Variants in TRIO observed in about 807,000 individuals in gnomAD.
TRIO encodes the protein trio Rho guanine nucleotide exchange factor.
In TRIO, 58 loss-of-function variants were observed where a neutral mutation model predicts 351.9. The observed-to-expected ratio is 0.16, with a 90% CI of 0.13 to 0.21. The LOEUF (loss-of-function observed/expected upper bound fraction) is 0.21, where lower values mean the gene tolerates loss of function less well. Ranked by LOEUF, TRIO falls within the 10% of genes least tolerant of loss-of-function variation. The pLI is 1.00. For missense variants in TRIO, 3,201 were observed against 4,027.8 expected (o/e 0.79, Z 5.56); for synonymous variants, 1,758 against 1,595.7 (o/e 1.10, Z -2.42).
chr5:14,151,645 C>G (rs750209952), intron 1 of TRIO, among the ~76,000 whole-genome samples: 3 of 152,084 alleles, frequency 2.0e-5, no homozygotes, highest in Admixed American at 6.6e-5. Context: ...TATGAGAAGT[C>G]GTTAAGATGT....
chr5:14,459,976 C>T (rs1356439952), intron 34 of TRIO, among the ~76,000 whole-genome samples: 1 of 151,772 alleles, frequency 6.6e-6, no homozygotes, highest in African/African-American at 2.4e-5. Context: ...AGTGCGATGG[C>T]GTGATCTTGG....
intron 1 of TRIO, among the ~76,000 whole-genome samples, chr5:14,198,111 A>C (rs1030877924): frequency 6.6e-6 from 1 of 152,230 alleles, no homozygotes; most frequent in South Asian, 2.1e-4. Context: ...GAAATTTAGA[A>C]AACAGAAGAA....
In TRIO at chr5:14,316,481, C is replaced by A. The variant is rs374035349; in HGVS notation, c.1501-32C>A. On this transcript the variant is annotated intron_variant, in intron 8 of 56. Coordinates refer to ENST00000344204, the MANE Select transcript of TRIO (RefSeq NM_007118.4). ...GCACAGCCTAGGCCAAACCTCAGAT[C>A]GTGAAGAATCACTCATTTCTTTTGT... 4.3e-6 allele frequency: 7 copies of A among 1,609,558 alleles called. No homozygotes were observed. The African/African-American group carries it at 8.0e-5, about 18-fold the overall frequency.
chr5:14,419,911 T>C lies in TRIO; in HGVS notation c.5093T>C (p.Val1698Ala). The C allele has an allele frequency of 6.2e-7, 1 of 1,614,162 alleles. No individual in the cohort carries two copies. Among genetic ancestry groups the C allele is most frequent in the Non-Finnish European group, 8.5e-7 (1 of 1,180,014 alleles). Residue 1698 changes from valine to alanine, a missense_variant, in exon 34 of 57, where the codon GTG (valine) becomes GCG (alanine). Val to Ala is a moderately conservative substitution (Grantham distance 64). Coordinates refer to ENST00000344204, the MANE Select transcript of TRIO (RefSeq NM_007118.4). ...CATGACAAGCCTGACTGGTGTCTGG[T>C]GCGGACAACTGACCGCTCCCCAGCG... ...RPHDKPDWCL[V>A]RTTDRSPAAE...
intron 14 of TRIO, among the ~76,000 whole-genome samples, 170 bp from the exon 15 acceptor site, chr5:14,364,480 C>T (rs983028309): frequency 6.6e-6 from 1 of 152,214 alleles, no homozygotes; most frequent in African/African-American, 2.4e-5. Context: ...GATTGATTGC[C>T]TATACATCCT....
At chr5:14,348,122 C>T (rs986742588) in intron 11 of TRIO, among the ~76,000 whole-genome samples, 1 of 152,182 alleles carries the variant, frequency 6.6e-6, no homozygotes. Flanking sequence ...GTATTGTGTA[C>T]AGTTGTCCAG....
At chr5:14,363,674 A>G (rs1343290940) in intron 13 of TRIO, 58 bp from the exon 14 acceptor site, 18 of 1,521,316 alleles carry the variant, frequency 1.2e-5, no homozygotes, top group Admixed American at 6.9e-5. Context: ...CTTGGTACAG[A>G]GTGAGAGGTG....
chr5:14,225,038 G>A (rs551885177), intron 1 of TRIO, among the ~76,000 whole-genome samples: 2 of 152,298 alleles, frequency 1.3e-5, no homozygotes, highest in East Asian at 1.9e-4. Context: ...AGCAGTTTCT[G>A]TTATTTTGGG....
At chr5:14,416,668 T>G (rs1749670072) in intron 33 of TRIO, among the ~76,000 whole-genome samples, 1 of 152,230 alleles carries the variant, frequency 6.6e-6, no homozygotes, top group South Asian at 2.1e-4. Context: ...TGATTACTCT[T>G]TAAGGGCCTA....
chr5:14,420,253 G>T, intron 34 of TRIO: 1 of 589,070 alleles, frequency 1.7e-6, no homozygotes, highest in South Asian at 2.0e-5. Context: ...CCAGGGCGGT[G>T]TAGTGAGATA....
chr5:14,496,758 AG>A, intron 49 of TRIO, 120 bp from the exon 50 acceptor site: 1 of 1,316,078 alleles, frequency 7.6e-7, no homozygotes, highest in Admixed American at 2.5e-5. Context: ...CAGTTCGTAG[AG>A]GATTTCCCAT....
intron 1 of TRIO, among the ~76,000 whole-genome samples, chr5:14,182,342 C>A (rs1175742366): frequency 6.6e-6 from 1 of 152,214 alleles, no homozygotes; most frequent in Non-Finnish European, 1.5e-5. Flanking sequence ...TTCCCTGGAT[C>A]TTAATGTTAG....
intron 2 of TRIO, among the ~76,000 whole-genome samples, chr5:14,274,132 G>A (rs943817053): frequency 6.6e-6 from 1 of 152,112 alleles, no homozygotes; most frequent in African/African-American, 2.4e-5. Flanking sequence ...CAAAAAACCC[G>A]ATAGGTATTC....
intron 2 of TRIO, among the ~76,000 whole-genome samples, chr5:14,271,943 T>G (rs762784773): frequency 3.9e-5 from 6 of 152,246 alleles, no homozygotes; most frequent in Non-Finnish European, 7.3e-5. Flanking sequence ...TTAATATGGT[T>G]TGATTTTGTG....
intron 34 of TRIO, among the ~76,000 whole-genome samples, chr5:14,422,217 C>G (rs1405506842): frequency 6.6e-6 from 1 of 152,186 alleles, no homozygotes; most frequent in African/African-American, 2.4e-5. Flanking sequence ...GTTCAGGCTG[C>G]CTTGCCTCAC....
In TRIO at chr5:14,420,009, T is replaced by G; in HGVS notation, c.5191T>G (p.Phe1731Val). The G allele has an allele frequency of 6.2e-7, 1 of 1,612,638 alleles. No homozygotes were observed. Among genetic ancestry groups the G allele is most frequent in the Non-Finnish European group, 8.5e-7 (1 of 1,178,826 alleles). Residue 1731 changes from phenylalanine (F) to valine (V), a missense_variant, in exon 34 of 57, where the codon TTC becomes GTC. Around this residue, in one of 19 missense-constraint regions of TRIO, gnomAD observed 193 missense variants for 218.8 expected, o/e 0.88. Transcript: ENST00000344204. ...SRSSMEMEGI[F>V]NHKDSLSVSS... is the part of the protein sequence containing the mutation. ...AAGTAGCATGGAAATGGAGGGCATCTTCAACCACAAAGGTAGGAATCAGTG... is the reference window on the plus strand; with the variant it reads ...AAGTAGCATGGAAATGGAGGGCATCGTCAACCACAAAGGTAGGAATCAGTG...
intron 13 of TRIO, among the ~76,000 whole-genome samples, 154 bp from the exon 14 acceptor site, chr5:14,363,578 G>T (rs937605697): frequency 6.6e-6 from 1 of 152,042 alleles, no homozygotes; most frequent in Non-Finnish European, 1.5e-5. Flanking sequence ...GCTTTATTGA[G>T]GTGTGATTTG....
At chr5:14,267,416 GGC>G (rs1212915310) in intron 1 of TRIO, among the ~76,000 whole-genome samples, 1 of 152,114 alleles carries the variant, frequency 6.6e-6, no homozygotes. Context: ...GCTTCCAGGG[GGC>G]GGCCACCGAG....
At chr5:14,256,542 CAT>C (rs1451338020) in intron 1 of TRIO, among the ~76,000 whole-genome samples, 1 of 152,188 alleles carries the variant, frequency 6.6e-6, no homozygotes, top group African/African-American at 2.4e-5. Flanking sequence ...TGGTTTCAAA[CAT>C]ATGTAATAAA....
Sources: allele counts gnomAD v4.1 joint callset (sites outside exome capture counted in the v4.1 genomes callset), GRCh38; gene constraint gnomAD v4.1.1; regional missense constraint gnomAD v4.1.1; transcripts MANE v1.5; gene names NCBI Gene and HGNC (gene_info 2026-07-23, HGNC 2026-07-21).